BRAP: variants seen among roughly 807,000 people sequenced by gnomAD.
BRAP encodes the protein BRCA1 associated protein, also known as BRCA1-associated protein.
BRAP carries 42 observed loss-of-function variants against 73.4 expected under a neutral mutation model. The ratio of observed to expected loss-of-function variants is 0.57; its 90% CI spans 0.45 to 0.74. The LOEUF (loss-of-function observed/expected upper bound fraction) is 0.74, where lower values mean the gene tolerates loss of function less well. BRAP is among the 30% of genes least tolerant of loss of function. The probability of loss-of-function intolerance (pLI) is 0.00; values close to 1 mark genes in which losing one functional copy is unlikely to be tolerated. For synonymous variants in BRAP, 255 were observed against 267.4 expected (o/e 0.95, Z 0.45); for missense variants, 593 against 751.4 (o/e 0.79, Z 2.46).
chr12:111,659,068 C>T, intron 8 of BRAP, 139 bp downstream of exon 8: 1 of 1,034,810 alleles, frequency 9.7e-7, no homozygotes, highest in Non-Finnish European at 1.4e-6. Flanking sequence ...AAAAATAGTG[C>T]CCTCAGGGAA....
chr12:111,671,056 C>T (rs1192845009), intron 5 of BRAP, among the ~76,000 whole-genome samples: 5 of 150,806 alleles, frequency 3.3e-5, no homozygotes, highest in Admixed American at 1.3e-4. Flanking sequence ...GCCAAGATCA[C>T]GCCACTATAC....
intron 4 of BRAP, among the ~76,000 whole-genome samples, chr12:111,676,980 G>A (rs1887407222): frequency 6.6e-6 from 1 of 152,164 alleles, no homozygotes; most frequent in Non-Finnish European, 1.5e-5. Flanking sequence ...AAGGGTTCTA[G>A]CCCCATGGGG....
intron 11 of BRAP, among the ~76,000 whole-genome samples, chr12:111,646,649 T>C (rs1427975849): frequency 1.3e-5 from 2 of 152,104 alleles, no homozygotes; most frequent in African/African-American, 2.4e-5. Context: ...AGCGTGTGCC[T>C]GTAATCCCAG....
At chr12:111,674,457 C>G (rs535851935) in intron 4 of BRAP, among the ~76,000 whole-genome samples, 2 of 152,198 alleles carry the variant, frequency 1.3e-5, no homozygotes, top group Admixed American at 6.6e-5. Context: ...TACCCAGGCT[C>G]GTCTCGAACT....
chr12:111,685,879 GCGC>G lies in BRAP; in HGVS notation c.-90_-88del. The G allele has an allele frequency of 1.1e-6, 1 of 914,008 alleles. No homozygotes were observed. The highest frequency in any genetic ancestry group is 1.5e-6 in the Non-Finnish European group (1 of 673,738). The allele number at this position is 914,008 out of a possible 1,614,324, so 56.6% of individuals were successfully genotyped here. A position where few individuals can be genotyped will look rare whatever the true frequency, so the allele number is the denominator to read the frequency against. ...GAGGCCGAGCGGCCCGGGGCCGGCA[GCGC>G]CGCCACCACCTCAATGCAGTTGCCG... On this transcript the variant is annotated 5_prime_UTR_variant, in exon 1 of 12. Transcript: ENST00000419234.
intron 10 of BRAP, among the ~76,000 whole-genome samples, chr12:111,651,635 C>CTTTTTTT (rs761275581): frequency 3.2e-5 from 4 of 124,980 alleles, no homozygotes; most frequent in Non-Finnish European, 5.1e-5. Context: ...GATTTCTTTT[C>CTTTTTTT]TTTTTTTTTT....
At chr12:111,684,987 T>C (rs2135934798) in intron 1 of BRAP, among the ~76,000 whole-genome samples, 1 of 152,238 alleles carries the variant, frequency 6.6e-6, no homozygotes, top group Non-Finnish European at 1.5e-5. Flanking sequence ...CTTGAATGAA[T>C]GTTAGTTAAT....
chr12:111,652,125 T>C (rs759058900), intron 10 of BRAP, among the ~76,000 whole-genome samples: 1 of 152,212 alleles, frequency 6.6e-6, no homozygotes, highest in East Asian at 1.9e-4. Context: ...CAGAAATTAC[T>C]ATCCTAAGGA....
At chr12:111,674,804 T>C (rs1172914294) in intron 4 of BRAP, among the ~76,000 whole-genome samples, 1 of 152,202 alleles carries the variant, frequency 6.6e-6, no homozygotes, top group Non-Finnish European at 1.5e-5. Flanking sequence ...AACGGTTTCT[T>C]GAAATGCTTT....
chr12:111,678,249 CAAAAA>C (rs60763826), intron 4 of BRAP, among the ~76,000 whole-genome samples: 10 of 57,468 alleles, frequency 1.7e-4, no homozygotes, highest in Non-Finnish European at 3.5e-4. Context: ...AACTCCGTCT[CAAAAA>C]AAAAAAAAAA....
intron 2 of BRAP, 30 bp downstream of exon 2, chr12:111,683,114 CAA>C (rs776506349): frequency 2.5e-6 from 4 of 1,598,240 alleles, no homozygotes; most frequent in Non-Finnish European, 3.4e-6. Flanking sequence ...GTTCACATTA[CAA>C]AAGAGAGTCC....
chr12:111,667,512 A>G (rs1886988939), intron 5 of BRAP, among the ~76,000 whole-genome samples: 1 of 151,848 alleles, frequency 6.6e-6, no homozygotes, highest in Non-Finnish European at 1.5e-5. Context: ...CAGCCTGGCC[A>G]AGAGGGTGAA....
intron 9 of BRAP, among the ~76,000 whole-genome samples, chr12:111,656,475 G>A (rs779501197): frequency 2.6e-5 from 4 of 152,182 alleles, no homozygotes; most frequent in Non-Finnish European, 5.9e-5. Context: ...ACCAGTGGAA[G>A]GCTTTGGGGT....
intron 7 of BRAP, among the ~76,000 whole-genome samples, chr12:111,659,980 G>A (rs752050796): frequency 6.6e-6 from 1 of 151,134 alleles, no homozygotes; most frequent in Non-Finnish European, 1.5e-5. Flanking sequence ...AAGATGAGAT[G>A]GGAGGAAGGC....
At chr12:111,646,774 AAAAT>A (rs1282002562) in intron 11 of BRAP, among the ~76,000 whole-genome samples, 1 of 152,260 alleles carries the variant, frequency 6.6e-6, no homozygotes, top group Non-Finnish European at 1.5e-5. Flanking sequence ...TTCCGTCTCA[AAAAT>A]AAATAAATAA....
chr12:111,644,040 A>G lies in BRAP; in HGVS notation c.*159T>C, dbSNP rs367574492. 8.6e-6 allele frequency: 10 copies of G among 1,168,586 alleles called. No individual in the cohort carries two copies. The African/African-American group carries it at 1.1e-4, about 13-fold the overall frequency. 72.4% of individuals were successfully genotyped at this position (1,168,586 alleles called of 1,614,324 possible). A position where few individuals can be genotyped will look rare whatever the true frequency, so the allele number is the denominator to read the frequency against. ...CAGCTCTCCAGTCAGCACCCTTTAC[A>G]TTCACTACATCACACACTAGCAAAT... On this transcript the variant is annotated 3_prime_UTR_variant, in exon 12 of 12. Transcript: ENST00000419234.
Position 111,672,663 on chromosome 12 carries a change from C to A in BRAP, c.745G>T (p.Asp249Tyr), listed in dbSNP as rs11065998. ...ATATAGGAACAATTCACACTTACATCTTCAGATTTGAGCACTTCAGCTCTT... is the reference window on the plus strand; with the variant it reads ...ATATAGGAACAATTCACACTTACATATTCAGATTTGAGCACTTCAGCTCTT... ...VERAEVLKSE[D>Y]GASLPVMDLT... is the part of the protein sequence containing the mutation. Residue 249 changes from aspartate to tyrosine, a missense_variant and splice_region_variant, in exon 5 of 12, where the codon GAT becomes TAT. Physicochemically the swap from Asp to Tyr is radical, Grantham distance 160 (BLOSUM62 -3). This residue lies in a region of BRAP where 304 missense variants were observed against 337.7 expected (regional missense o/e 0.90). Transcript: ENST00000419234. 6.2e-7 allele frequency: 1 copy of A among 1,608,668 alleles called. No individual in the cohort carries two copies. Among genetic ancestry groups the A allele is most frequent in the Non-Finnish European group, 8.5e-7 (1 of 1,176,302 alleles).
At chr12:111,663,126 G>A (rs1458724156) in intron 6 of BRAP, among the ~76,000 whole-genome samples, 1 of 152,026 alleles carries the variant, frequency 6.6e-6, no homozygotes, top group Non-Finnish European at 1.5e-5. Context: ...AGCATTCTAT[G>A]ATATACTACC....
intron 10 of BRAP, among the ~76,000 whole-genome samples, 192 bp downstream of exon 10, chr12:111,655,374 C>A (rs1886489179): frequency 6.6e-6 from 1 of 151,720 alleles, no homozygotes; most frequent in Admixed American, 6.6e-5. Context: ...CCCTAAGACC[C>A]CAAAATATCA....
Sources: gnomAD v4.1 joint callset for allele counts (sites outside exome capture counted in the v4.1 genomes callset) on GRCh38, gnomAD v4.1.1 for gene constraint, gnomAD v4.1.1 regional missense constraint, MANE v1.5 for transcripts, NCBI Gene and HGNC (gene_info 2026-07-23, HGNC 2026-07-21) for gene names.